CLCN4: variants seen among roughly 807,000 people sequenced by gnomAD.
CLCN4 encodes the protein H(+)/Cl(-) exchange transporter 4.
In CLCN4, 1 loss-of-function variant was observed where a neutral mutation model predicts 41.7. The observed-to-expected ratio is 0.02, with a 90% CI of 0.01 to 0.11. The LOEUF (loss-of-function observed/expected upper bound fraction) is 0.11. Ranked by LOEUF, CLCN4 falls within the 10% of genes least tolerant of loss-of-function variation. The probability of loss-of-function intolerance (pLI) is 1.00; values close to 1 mark genes in which losing one functional copy is unlikely to be tolerated. For synonymous variants in CLCN4, 277 were observed against 285.8 expected (o/e 0.97, Z 0.31); for missense variants, 287 against 661.0 (o/e 0.43, Z 6.20).
chrX:10,170,686 C>T (rs1681031048), intron 2 of CLCN4, among the ~76,000 whole-genome samples: 1 of 111,224 alleles, frequency 9.0e-6, no homozygotes, highest in African/African-American at 3.3e-5. Context: ...CCCCAGCCCT[C>T]CTGGTAATGC....
chrX:10,227,678 C>T (rs998914543), intron 12 of CLCN4, among the ~76,000 whole-genome samples: 1 of 111,637 alleles, frequency 9.0e-6, no homozygotes, highest in Non-Finnish European at 1.9e-5. Flanking sequence ...TACCACAGTC[C>T]TTGGCAACCA....
rs187841357 is a variant in CLCN4 at position 10,186,146 on chromosome X, C to T, written c.144+970C>T. Among the ~76,000 whole-genome samples the T allele has an allele frequency of 1.6e-3, 180 of 110,813 alleles. 1 individual carries two copies. Among genetic ancestry groups the T allele is most frequent in the African/African-American group, 5.6e-3 (171 of 30,407 alleles). On this transcript the variant is annotated intron_variant, in intron 3 of 12. Coordinates refer to ENST00000380833, the MANE Select transcript of CLCN4 (RefSeq NM_001830.4). ...GAAGCAAGGGGGGACTGGCAGACTG[C>T]GGAGGAGGCCATTGAGTTCTGTGTA...
At chrX:10,216,693 A>C (rs1307217751) in intron 11 of CLCN4, among the ~76,000 whole-genome samples, 1 of 107,140 alleles carries the variant, frequency 9.3e-6, no homozygotes, top group Non-Finnish European at 1.9e-5. Flanking sequence ...TTTTGCACCA[A>C]CCTAATGATT....
At chrX:10,207,894 G>A in intron 8 of CLCN4, 151 bp from the exon 9 acceptor site, 1 of 486,854 alleles carries the variant, frequency 2.1e-6, no homozygotes, top group Non-Finnish European at 3.6e-6. Flanking sequence ...AGGTATCTTT[G>A]CTGATGCGTT....
At chrX:10,226,480 AAGAACTAG>A (rs1189296372) in intron 12 of CLCN4, among the ~76,000 whole-genome samples, 1 of 111,651 alleles carries the variant, frequency 9.0e-6, no homozygotes, top group Non-Finnish European at 1.9e-5. Flanking sequence ...TCATAACTAA[AAGAACTAG>A]AGAACCAAGA....
rs779577857 is a variant in CLCN4 at position 10,178,565 on chromosome X, A to G, written c.-11-6457A>G. 6.2e-5 allele frequency among the ~76,000 whole-genome samples: 7 copies of G among 112,264 alleles called. No individual in the cohort carries two copies. The South Asian group carries it at 2.6e-3, about 41-fold the overall frequency. On this transcript the variant is annotated intron_variant, in intron 2 of 12. Coordinates refer to ENST00000380833, the MANE Select transcript of CLCN4 (RefSeq NM_001830.4). Reference sequence around the variant, plus strand: ...CATGTTAATTTTGCTACTTTTGTTTACTAAAACTGCAGTTCTCAGAAAAAC... The same window carrying G: ...CATGTTAATTTTGCTACTTTTGTTTGCTAAAACTGCAGTTCTCAGAAAAAC...
chrX:10,216,301 T>G (rs768835847), intron 11 of CLCN4, among the ~76,000 whole-genome samples: 1 of 112,481 alleles, frequency 8.9e-6, no homozygotes, highest in South Asian at 3.7e-4. Context: ...CATGGCGTTA[T>G]CTTTGTTAGA....
At chrX:10,165,430 C>A (rs6640613) in intron 2 of CLCN4, among the ~76,000 whole-genome samples, 33 of 112,393 alleles carry the variant, frequency 2.9e-4, no homozygotes, top group African/African-American at 9.7e-4. Context: ...GGGCGCTCCC[C>A]CTGAGGGTGG....
intron 8 of CLCN4, 142 bp from the exon 9 acceptor site, chrX:10,207,903 T>G: frequency 3.9e-6 from 2 of 509,645 alleles, no homozygotes; most frequent in Non-Finnish European, 6.8e-6. Flanking sequence ...TGCTGATGCG[T>G]TTTGGTCACA....
chrX:10,170,742 G>A (rs894696464), intron 2 of CLCN4, among the ~76,000 whole-genome samples: 3 of 112,311 alleles, frequency 2.7e-5, no homozygotes, highest in Non-Finnish European at 5.6e-5. Context: ...ACGGTGATAA[G>A]CCACCAGGGT....
rs750711715 is a variant in CLCN4 at position 10,206,429 on chromosome X, C to T, written c.627C>T (p.Val209=). The T allele has an allele frequency of 1.3e-5, 16 of 1,210,094 alleles. No individual in the cohort carries two copies. The highest frequency in any genetic ancestry group is 1.8e-5 in the Non-Finnish European group (16 of 894,798). The part of the protein sequence containing the change: ...LGKWTLLIKT[V]TLVLVVSSGL... ...AGTGGACCCTGCTAATCAAGACAGT[C>T]ACGCTGGTGCTGGTAGTGTCCTCCG... The change falls in exon 7 of 13, where the codon GTC becomes GTT. Residue 209 remains valine (V), a synonymous_variant. Coordinates refer to ENST00000380833, the MANE Select transcript of CLCN4 (RefSeq NM_001830.4).
At chrX:10,205,228 C>T (rs995619878) in intron 6 of CLCN4, among the ~76,000 whole-genome samples, 3 of 111,375 alleles carry the variant, frequency 2.7e-5, no homozygotes, top group Non-Finnish European at 5.7e-5. Flanking sequence ...AATCCCAGCA[C>T]TTTGGGAGGC....
At chrX:10,233,347 C>G in intron 12 of CLCN4, 147 bp from the exon 13 acceptor site, 1 of 448,894 alleles carries the variant, frequency 2.2e-6, no homozygotes. Context: ...GGCCAGTGCT[C>G]CCTCCATTGG....
chrX:10,187,813 T>C (rs1923854672), intron 4 of CLCN4, among the ~76,000 whole-genome samples, 199 bp downstream of exon 4: 2 of 113,013 alleles, frequency 1.8e-5, no homozygotes, highest in Admixed American at 1.9e-4. Flanking sequence ...CAATAAGGCA[T>C]GCCCAAGGCA....
chrX:10,187,678 A>G, intron 4 of CLCN4, 64 bp downstream of exon 4: 2 of 853,795 alleles, frequency 2.3e-6, no homozygotes. Flanking sequence ...CAAAACACGA[A>G]CCCTCTGGGA....
Position 10,160,873 on chromosome X carries a change from T to A in CLCN4, c.-12+2322T>A, listed in dbSNP as rs182567091. Among the ~76,000 whole-genome samples the A allele has an allele frequency of 1.8e-3, 203 of 111,275 alleles. 1 individual carries two copies. Among genetic ancestry groups the A allele is most frequent in the Non-Finnish European group, 2.7e-3 (141 of 52,915 alleles). On this transcript the variant is annotated intron_variant, in intron 2 of 12. Coordinates refer to ENST00000380833, the MANE Select transcript of CLCN4 (RefSeq NM_001830.4). ...CGGATCTGTAAAGTGGGGCCAACCG[T>A]GCTTGCTGACTCTGCTTCCTTGGCT...
chrX:10,160,929 T>G (rs1923078226), intron 2 of CLCN4, among the ~76,000 whole-genome samples: 1 of 109,535 alleles, frequency 9.1e-6, no homozygotes, highest in Non-Finnish European at 1.9e-5. Flanking sequence ...AGTGAGAGGG[T>G]CTGCAGGCTG....
intron 11 of CLCN4, among the ~76,000 whole-genome samples, chrX:10,217,888 G>A (rs952815384): frequency 8.1e-5 from 9 of 110,477 alleles, no homozygotes; most frequent in Non-Finnish European, 1.1e-4. Flanking sequence ...GACTACAGGC[G>A]CATGCCACCA....
intron 2 of CLCN4, among the ~76,000 whole-genome samples, chrX:10,175,951 T>TCC (rs1923519169): frequency 1.7e-5 from 1 of 59,563 alleles, no homozygotes; most frequent in Non-Finnish European, 2.9e-5. Context: ...TCTCCCTCTC[T>TCC]CTCTCTCTCT....
Sources: gnomAD v4.1 joint callset for allele counts (sites outside exome capture counted in the v4.1 genomes callset) on GRCh38, gnomAD v4.1.1 for gene constraint, MANE v1.5 for transcripts, NCBI Gene and HGNC (gene_info 2026-07-23, HGNC 2026-07-21) for gene names.